The following SMARCC1 variants were observed in gnomAD, a reference collection of about 807,000 sequenced individuals.
SMARCC1 encodes SWI/SNF related BAF chromatin remodeling complex subunit C1.
A neutral mutation model predicts 147.4 loss-of-function variants in SMARCC1; 43 were observed. That is an observed-to-expected ratio of 0.29 (90% CI 0.23 to 0.38). The LOEUF (loss-of-function observed/expected upper bound fraction) is 0.38. Among genes scored for constraint, SMARCC1 ranks in the 10% least tolerant of loss-of-function variants. SMARCC1 has a pLI of 1.00. For synonymous variants in SMARCC1, 495 were observed against 484.4 expected, an observed-to-expected ratio of 1.02 and a Z score of -0.29; for missense variants, 1,119 against 1,381.1, an observed-to-expected ratio of 0.81 and a Z score of 3.01.
intron 8 of SMARCC1, among the ~76,000 whole-genome samples, chr3:47,712,363 T>C (rs1023608290): frequency 6.6e-6 from 1 of 151,942 alleles, no homozygotes; most frequent in Admixed American, 6.6e-5. Flanking sequence ...AGAAAATAAA[T>C]GTCAAAATAG....
At chr3:47,761,188 G>C (rs566750117) in intron 2 of SMARCC1, among the ~76,000 whole-genome samples, 1 of 151,932 alleles carries the variant, frequency 6.6e-6, no homozygotes, top group East Asian at 1.9e-4. Context: ...TGTGGTCTCA[G>C]CCACTCAGGA....
Position 47,728,993 on chromosome 3 carries a change from G to C in SMARCC1, c.646+32C>G, listed in dbSNP as rs747485319. ...AAAATCCATTTGGTATGATGTATGA[G>C]CTCATCTGTTCACAACGCAAAACTA... On this transcript the variant is annotated intron_variant, in intron 6 of 27. Transcript: ENST00000254480. 4.3e-6 allele frequency: 6 copies of C among 1,399,692 alleles called. No homozygotes were observed. The Admixed American group carries it at 1.0e-4, about 24-fold the overall frequency. 86.7% of individuals were successfully genotyped at this position (1,399,692 alleles called of 1,614,324 possible).
At chr3:47,747,487 A>C (rs540769406) in intron 2 of SMARCC1, among the ~76,000 whole-genome samples, 1 of 149,674 alleles carries the variant, frequency 6.7e-6, no homozygotes, top group African/African-American at 2.4e-5. Flanking sequence ...AAATATAAAA[A>C]TTAGCCAGGC....
intron 2 of SMARCC1, 141 bp from the exon 3 acceptor site, chr3:47,746,134 G>C: frequency 1.8e-6 from 1 of 550,834 alleles, no homozygotes; most frequent in South Asian, 2.8e-5. Context: ...TGAATAAACT[G>C]AGGAATCAAT....
At chr3:47,701,635 G>A (rs1031176288) in intron 10 of SMARCC1, 12 of 436,178 alleles carry the variant, frequency 2.8e-5, no homozygotes, top group East Asian at 4.9e-5. Flanking sequence ...CCAACATAGC[G>A]AATCCCCGTC....
intron 21 of SMARCC1, among the ~76,000 whole-genome samples, chr3:47,659,163 A>G (rs1224252403): frequency 6.6e-6 from 1 of 151,484 alleles, no homozygotes; most frequent in Non-Finnish European, 1.5e-5. Flanking sequence ...ATCAGTAATC[A>G]AGAAAGTAAG....
Position 47,772,936 on chromosome 3 carries a change from A to C in SMARCC1, c.196T>G (p.Tyr66Asp). 6.2e-7 allele frequency: 1 copy of C among 1,610,510 alleles called. No homozygotes were observed. Among genetic ancestry groups the C allele is most frequent in the Non-Finnish European group, 8.5e-7 (1 of 1,178,118 alleles). ...RVWLGKHYKKYVHADAPTNKT... is the reference protein window; with the variant it reads ...RVWLGKHYKKDVHADAPTNKT... ...TTGGTAGGAGCATCCGCATGAACAT[A>C]CTGCAAGATAAAGACAGGCATTCAA... The change falls in exon 2 of 28, where the codon TAT becomes GAT. Residue 66 changes from tyrosine to aspartate, a missense_variant and splice_region_variant. Physicochemically the swap from Tyr to Asp is radical, Grantham distance 160. Around this residue, in one of 6 missense-constraint regions of SMARCC1, gnomAD observed 542 missense variants for 611.8 expected, o/e 0.89. Transcript: ENST00000254480.
At chr3:47,688,756 C>A (rs142263086) in intron 13 of SMARCC1, among the ~76,000 whole-genome samples, 4 of 152,218 alleles carry the variant, frequency 2.6e-5, no homozygotes, top group Non-Finnish European at 2.9e-5. Flanking sequence ...AACACATGGC[C>A]CCTGCTCATC....
chr3:47,697,595 C>T (rs1360417329), intron 11 of SMARCC1, among the ~76,000 whole-genome samples: 6 of 150,742 alleles, frequency 4.0e-5, no homozygotes, highest in Non-Finnish European at 5.9e-5. Flanking sequence ...AGCCACTGCA[C>T]CTGGCCTTGA....
At chr3:47,713,567 C>A (rs1326228768) in intron 8 of SMARCC1, among the ~76,000 whole-genome samples, 3 of 151,714 alleles carry the variant, frequency 2.0e-5, no homozygotes, top group African/African-American at 7.3e-5. Flanking sequence ...GTAGCTAGGA[C>A]TATAGGGCAC....
chr3:47,776,287 T>C (rs1258157623), intron 1 of SMARCC1, among the ~76,000 whole-genome samples: 1 of 152,194 alleles, frequency 6.6e-6, no homozygotes, highest in Non-Finnish European at 1.5e-5. Flanking sequence ...ACTTTTTTTG[T>C]ACACGGTAAA....
intron 6 of SMARCC1, among the ~76,000 whole-genome samples, chr3:47,725,026 T>A (rs1479886798): frequency 2.2e-3 from 65 of 30,172 alleles, no homozygotes; most frequent in Middle Eastern, 0.026. Context: ...AAAAAGACTG[T>A]CTCCACAAAA....
intron 12 of SMARCC1, among the ~76,000 whole-genome samples, chr3:47,691,708 T>C (rs992513401): frequency 6.6e-6 from 1 of 150,862 alleles, no homozygotes; most frequent in Non-Finnish European, 1.5e-5. Flanking sequence ...CCATCAATAA[T>C]AACTGTAATT....
At chr3:47,659,778 T>C (rs1363871162) in intron 21 of SMARCC1, among the ~76,000 whole-genome samples, 1 of 99,186 alleles carries the variant, frequency 1.0e-5, no homozygotes, top group Non-Finnish European at 1.9e-5. Flanking sequence ...GGGGCAAGAA[T>C]CTGAGTAGGT....
chr3:47,740,204 TTTTTTTTA>T (rs1422680648), intron 3 of SMARCC1, among the ~76,000 whole-genome samples: 34 of 129,090 alleles, frequency 2.6e-4, no homozygotes, highest in African/African-American at 9.4e-4. Context: ...TTTTTTTTTT[TTTTTTTTA>T]AAAGACAGAC....
At chr3:47,699,974 CT>C (rs2033897813) in intron 11 of SMARCC1, among the ~76,000 whole-genome samples, 1 of 151,740 alleles carries the variant, frequency 6.6e-6, no homozygotes, top group Non-Finnish European at 1.5e-5. Flanking sequence ...TGGTTATATG[CT>C]TCATATACAT....
intron 4 of SMARCC1, among the ~76,000 whole-genome samples, chr3:47,737,390 C>T (rs888638034): frequency 1.5e-4 from 23 of 151,890 alleles, no homozygotes; most frequent in African/African-American, 9.7e-5. Context: ...CAGAGTGAGA[C>T]CCTGTCTCAA....
intron 25 of SMARCC1, among the ~76,000 whole-genome samples, chr3:47,611,210 G>A (rs905444772): frequency 6.6e-6 from 1 of 152,038 alleles, no homozygotes; most frequent in Admixed American, 6.6e-5. Flanking sequence ...GCATAAGGAG[G>A]GTTAATAAAC....
intron 26 of SMARCC1, among the ~76,000 whole-genome samples, chr3:47,593,673 A>G (rs2032222616): frequency 6.6e-6 from 1 of 152,346 alleles, no homozygotes; most frequent in East Asian, 1.9e-4. Context: ...CCAAATTACA[A>G]TACACAAAGC....
Sources: allele counts gnomAD v4.1 joint callset (sites outside exome capture counted in the v4.1 genomes callset), GRCh38; gene constraint gnomAD v4.1.1; regional missense constraint gnomAD v4.1.1; transcripts MANE v1.5; gene names NCBI Gene and HGNC (gene_info 2026-07-23, HGNC 2026-07-21).